Variants in SEMA4A observed in about 807,000 individuals in gnomAD.
SEMA4A encodes semaphorin-4A.
Under a neutral mutation model 72.5 loss-of-function variants are expected in SEMA4A, and 52 were observed. The ratio of observed to expected loss-of-function variants is 0.72; its 90% CI spans 0.57 to 0.90. The LOEUF (loss-of-function observed/expected upper bound fraction) is 0.90. Among genes scored for constraint, SEMA4A ranks in the 40% least tolerant of loss-of-function variants. SEMA4A has a pLI of 0.00. For synonymous variants in SEMA4A, 369 were observed against 393.1 expected (o/e 0.94, Z 0.73); for missense variants, 926 against 959.7 (o/e 0.96, Z 0.46).
At chr1:156,168,225 A>C (rs1242885418) in intron 10 of SEMA4A, among the ~76,000 whole-genome samples, 1 of 114,176 alleles carries the variant, frequency 8.8e-6, no homozygotes, top group Non-Finnish European at 1.8e-5. Flanking sequence ...CGCCCAGCTT[A>C]CTTTTTTTTT....
Position 156,158,729 on chromosome 1 carries a change from A to C in SEMA4A, c.473A>C (p.Asp158Ala), listed in dbSNP as rs200090107. ...TCTCTCCCCATTTAGGAACTTCAAGATTCCTACCTGTTGCCCATCTCGGAG... is the reference window on the plus strand; with the variant it reads ...TCTCTCCCCATTTAGGAACTTCAAGCTTCCTACCTGTTGCCCATCTCGGAG... ...SPACTFIELQDSYLLPISEDK... is the reference protein window; with the variant it reads ...SPACTFIELQASYLLPISEDK... The change falls in exon 6 of 15, where the codon GAT becomes GCT. Residue 158 changes from aspartate to alanine, a missense_variant. Physicochemically the swap from Asp to Ala is moderately radical, Grantham distance 126 (BLOSUM62 -2). Transcript: ENST00000368285. The C allele has an allele frequency of 6.2e-7, 1 of 1,613,144 alleles. No individual in the cohort carries two copies. The highest frequency in any genetic ancestry group is 1.1e-5 in the South Asian group (1 of 91,036).
intron 10 of SEMA4A, among the ~76,000 whole-genome samples, chr1:156,168,792 A>G (rs924667225): frequency 6.6e-6 from 1 of 152,090 alleles, no homozygotes; most frequent in African/African-American, 2.4e-5. Flanking sequence ...ACTGTATCTT[A>G]GGTCATTAAG....
chr1:156,149,661 G>A (rs1048880479), upstream of SEMA4A: 1 of 152,256 alleles, frequency 6.6e-6, no homozygotes, highest in African/African-American at 2.4e-5. Flanking sequence ...CATATACACA[G>A]TTCCCGGGGT....
intron 10 of SEMA4A, 36 bp from the exon 11 acceptor site, chr1:156,172,790 G>A (rs1654923830): frequency 6.2e-7 from 1 of 1,607,648 alleles, no homozygotes; most frequent in Non-Finnish European, 8.5e-7. Context: ...GAGGGGAAGG[G>A]GCAAACCAAC....
intron 9 of SEMA4A, 148 bp from the exon 10 acceptor site, chr1:156,162,796 A>G: frequency 2.0e-6 from 2 of 979,808 alleles, no homozygotes; most frequent in East Asian, 2.5e-5. Flanking sequence ...GCCCTTATCA[A>G]CACAGTGAGG....
chr1:156,163,720 CAAAAAAAAAAAAAAA>C (rs34408918), intron 10 of SEMA4A, among the ~76,000 whole-genome samples: 4 of 17,754 alleles, frequency 2.3e-4, no homozygotes, highest in South Asian at 3.0e-3. Flanking sequence ...GACTCAGTCT[CAAAAAAAAAAAAAAA>C]AAAAAAAAAA....
upstream of SEMA4A, among the ~76,000 whole-genome samples, chr1:156,152,353 G>C (rs1433241601): frequency 6.6e-6 from 1 of 152,144 alleles, no homozygotes; most frequent in Non-Finnish European, 1.5e-5. Context: ...TGGGAGTGTA[G>C]GGCTGGAACT....
rs1380307968 is a variant in SEMA4A at position 156,177,168 on chromosome 1, G to A, written c.*171G>A. On this transcript the variant is annotated 3_prime_UTR_variant, in exon 15 of 15. Transcript: ENST00000368285. The stretch of plus-strand genomic sequence containing the variant: ...ACACTCAGCAGGGTGATGCACAGCA[G>A]TCTGCCTCCCCTATGGGACTCCCTT... The A allele has an allele frequency of 2.8e-6, 2 of 704,822 alleles. No individual in the cohort carries two copies. The highest frequency in any genetic ancestry group is 5.0e-6 in the Non-Finnish European group (2 of 396,834). The allele number at this position is 704,822 out of a possible 1,614,324, so 43.7% of individuals were successfully genotyped here.
chr1:156,148,617 G>C (rs1341412530), upstream of SEMA4A, among the ~76,000 whole-genome samples: 1 of 152,092 alleles, frequency 6.6e-6, no homozygotes, highest in Non-Finnish European at 1.5e-5. Context: ...CTCCCAGGCA[G>C]GTTAAAAAGC....
upstream of SEMA4A, chr1:156,150,144 G>C (rs1652414957): frequency 6.6e-6 from 1 of 152,276 alleles, no homozygotes; most frequent in South Asian, 2.1e-4. Flanking sequence ...CGGGGCCATT[G>C]TCTGGTGCTG....
intron 10 of SEMA4A, among the ~76,000 whole-genome samples, chr1:156,165,374 T>C (rs1288765063): frequency 6.6e-6 from 1 of 152,166 alleles, no homozygotes; most frequent in African/African-American, 2.4e-5. Context: ...TTTTTTCTTT[T>C]CAACTATTTC....
At chr1:156,151,838 CAAAAAAAAAAAAAA>C (rs546304826), upstream of SEMA4A, among the ~76,000 whole-genome samples, 7 of 17,524 alleles carry the variant, frequency 4.0e-4, no homozygotes, top group Non-Finnish European at 9.4e-4. Flanking sequence ...CACTTCGTCT[CAAAAAAAAAAAAAA>C]AAAAAAAAAA....
At chr1:156,153,410 G>C (rs558635007), upstream of SEMA4A, 46 of 152,378 alleles carry the variant, frequency 3.0e-4, no homozygotes, top group African/African-American at 1.1e-3. Context: ...AAATGACCTA[G>C]AAGGGCCTCT....
Position 156,157,912 on chromosome 1 carries a change from C to T in SEMA4A, c.301-158C>T, listed in dbSNP as rs955931992. Among the ~76,000 whole-genome samples the T allele has an allele frequency of 3.3e-5, 5 of 152,154 alleles. No homozygotes were observed. Among genetic ancestry groups the T allele is most frequent in the African/African-American group, 1.2e-4 (5 of 41,426 alleles). ...GATACCAGTATTATTCAAGTAATAG[C>T]CATGGTCACAAACTGATGTTATTAC... On this transcript the variant is annotated intron_variant, in intron 3 of 14. Transcript: ENST00000368285. The surrounding 1 kb of genome is among the most constrained non-coding windows in gnomAD (Gnocchi z 4.5).
intron 9 of SEMA4A, 92 bp downstream of exon 9, chr1:156,161,610 C>G: frequency 7.3e-7 from 1 of 1,367,606 alleles, no homozygotes; most frequent in Non-Finnish European, 1.0e-6. Context: ...TTGACATGAG[C>G]CAGCACCTAC....
chr1:156,158,006 G>T, intron 3 of SEMA4A, 64 bp from the exon 4 acceptor site: 2 of 1,534,256 alleles, frequency 1.3e-6, no homozygotes, highest in South Asian at 1.1e-5. Flanking sequence ...AAGGGAGGCA[G>T]GTCACAGCTA....
chr1:156,171,601 C>T (rs1264058342), intron 10 of SEMA4A, among the ~76,000 whole-genome samples: 1 of 151,984 alleles, frequency 6.6e-6, no homozygotes, highest in African/African-American at 2.4e-5. Context: ...TTTTGAGACA[C>T]AGTTTCACTC....
chr1:156,167,122 C>T (rs1415364583), intron 10 of SEMA4A, among the ~76,000 whole-genome samples: 2 of 151,696 alleles, frequency 1.3e-5, no homozygotes, highest in Non-Finnish European at 2.9e-5. Flanking sequence ...AAGCAATCCT[C>T]CCACCTCAGC....
At chr1:156,169,285 C>G (rs982858294) in intron 10 of SEMA4A, among the ~76,000 whole-genome samples, 1 of 151,880 alleles carries the variant, frequency 6.6e-6, no homozygotes, top group Non-Finnish European at 1.5e-5. Context: ...CTCTCTCTCT[C>G]TTTCTCTGTT....
Sources: gnomAD v4.1 joint callset for allele counts (sites outside exome capture counted in the v4.1 genomes callset) on GRCh38, gnomAD v4.1.1 for gene constraint, Gnocchi (gnomAD v3.1) non-coding constraint, MANE v1.5 for transcripts, NCBI Gene and HGNC (gene_info 2026-07-23, HGNC 2026-07-21) for gene names.